GALNT13: variants seen among roughly 807,000 people sequenced by gnomAD.
The protein encoded by GALNT13 is polypeptide N-acetylgalactosaminyltransferase 13, also known as UDP-GalNAc:polypeptide N-acetylgalactosaminyltransferase 13.
GALNT13 carries 28 observed loss-of-function variants against 64.2 expected under a neutral mutation model. The observed-to-expected ratio is 0.44, with a 90% CI of 0.32 to 0.60. The LOEUF is 0.60. Among genes scored for constraint, GALNT13 ranks in the 20% least tolerant of loss-of-function variants. GALNT13 has a pLI of 0.05. For missense variants in GALNT13, 577 were observed against 669.8 expected (o/e 0.86, Z 1.53); for synonymous variants, 214 against 224.6 (o/e 0.95, Z 0.42).
the GALNT13 span, among the ~76,000 whole-genome samples, chr2:153,137,392 A>G: frequency 1.3e-5 from 2 of 152,106 alleles, no homozygotes; most frequent in Non-Finnish European, 2.9e-5. Flanking sequence ...CTTTGAGCTT[A>G]AGGATCTATC....
chr2:153,279,726 G>T, the GALNT13 span, among the ~76,000 whole-genome samples: 1 of 151,996 alleles, frequency 6.6e-6, no homozygotes, highest in Non-Finnish European at 1.5e-5. Flanking sequence ...CTCCTGATCA[G>T]TTTATTTCTT....
At chr2:153,812,821 C>A in the GALNT13 span, among the ~76,000 whole-genome samples, 13 of 152,244 alleles carry the variant, frequency 8.5e-5, no homozygotes, top group African/African-American at 3.1e-4. Context: ...CCTATGCGCA[C>A]AAAGTGTTTT....
chr2:153,396,522 G>A, the GALNT13 span, among the ~76,000 whole-genome samples: 1 of 151,818 alleles, frequency 6.6e-6, no homozygotes. Flanking sequence ...ATAAACATAT[G>A]TTACAGTGTG....
the GALNT13 span, among the ~76,000 whole-genome samples, chr2:153,096,540 G>T: frequency 5.3e-5 from 8 of 152,004 alleles, no homozygotes; most frequent in African/African-American, 1.7e-4. Context: ...TATATATCTG[G>T]CTTCTCCAGT....
chr2:153,625,340 G>A, the GALNT13 span, among the ~76,000 whole-genome samples: 3 of 152,044 alleles, frequency 2.0e-5, no homozygotes, highest in African/African-American at 7.2e-5. Context: ...GATTGCATAT[G>A]GTACTGACTA....
At chr2:153,657,433 G>A in the GALNT13 span, among the ~76,000 whole-genome samples, 1 of 152,062 alleles carries the variant, frequency 6.6e-6, no homozygotes, top group African/African-American at 2.4e-5. Context: ...TAGCATTTAT[G>A]TGCCTTACCC....
chr2:154,415,054 A>G (rs1341731593), intron 11 of GALNT13, among the ~76,000 whole-genome samples: 2 of 151,568 alleles, frequency 1.3e-5, no homozygotes, highest in African/African-American at 2.4e-5. Context: ...AGTACCATCT[A>G]TTCAGAAGGC....
intron 9 of GALNT13, among the ~76,000 whole-genome samples, chr2:154,329,146 C>T (rs911186648): frequency 3.9e-5 from 6 of 152,110 alleles, no homozygotes; most frequent in African/African-American, 1.4e-4. Context: ...AGCTCTGTCA[C>T]CCAGGCTAGA....
intron 4 of GALNT13, among the ~76,000 whole-genome samples, chr2:154,147,929 T>G (rs929239298): frequency 2.2e-4 from 33 of 152,004 alleles, no homozygotes; most frequent in Admixed American, 3.9e-4. Context: ...ATTTTTATTA[T>G]TATTATACTT....
intron 3 of GALNT13, among the ~76,000 whole-genome samples, chr2:154,012,706 T>C (rs980655726): frequency 7.9e-5 from 12 of 152,248 alleles, no homozygotes; most frequent in African/African-American, 2.9e-4. Flanking sequence ...TGTCAGTGTG[T>C]TATAGATTTG....
the GALNT13 span, among the ~76,000 whole-genome samples, chr2:153,263,413 A>G: frequency 6.6e-6 from 1 of 151,986 alleles, no homozygotes; most frequent in Non-Finnish European, 1.5e-5. Flanking sequence ...TTAAACTACC[A>G]TTGACATTCT....
At chr2:153,630,816 T>TATTTATTTA in the GALNT13 span, among the ~76,000 whole-genome samples, 2 of 87,252 alleles carry the variant, frequency 2.3e-5, no homozygotes, top group African/African-American at 8.3e-5. Context: ...TATTTTTTTT[T>TATTTATTTA]TTTTTTTTAT....
At chr2:153,630,118 T>G in the GALNT13 span, among the ~76,000 whole-genome samples, 1 of 150,754 alleles carries the variant, frequency 6.6e-6, no homozygotes, top group Non-Finnish European at 1.5e-5. Flanking sequence ...GAACTAGAAA[T>G]ACCATTTGAC....
chr2:153,715,699 C>A, the GALNT13 span, among the ~76,000 whole-genome samples: 3 of 152,204 alleles, frequency 2.0e-5, no homozygotes, highest in African/African-American at 7.2e-5. Context: ...CTCTGCTTCC[C>A]ATTTAGGCTC....
intron 3 of GALNT13, among the ~76,000 whole-genome samples, chr2:154,097,911 C>A (rs2105455219): frequency 6.6e-6 from 1 of 151,966 alleles, no homozygotes; most frequent in Admixed American, 6.6e-5. Flanking sequence ...GGAAGGTAAC[C>A]TAAGGATAAC....
At chr2:153,604,528 T>G in the GALNT13 span, among the ~76,000 whole-genome samples, 1 of 152,018 alleles carries the variant, frequency 6.6e-6, no homozygotes. Context: ...AAACAAAACT[T>G]GCTTCCTGAG....
the GALNT13 span, among the ~76,000 whole-genome samples, chr2:153,724,165 T>G: frequency 1.6e-4 from 23 of 142,030 alleles, no homozygotes; most frequent in Non-Finnish European, 3.0e-4. Flanking sequence ...CCTACAACTA[T>G]CTGATCTTTG....
chr2:153,422,914 T>C, the GALNT13 span, among the ~76,000 whole-genome samples: 3 of 151,952 alleles, frequency 2.0e-5, no homozygotes, highest in Non-Finnish European at 4.4e-5. Context: ...ATTTTAAATA[T>C]ATTTACAAGA....
chr2:153,699,590 G>A, the GALNT13 span, among the ~76,000 whole-genome samples: 6 of 151,890 alleles, frequency 4.0e-5, no homozygotes, highest in South Asian at 2.1e-4. Flanking sequence ...TAGACGGACC[G>A]CAAGCTAGAC....
Sources: gnomAD v4.1 joint callset for allele counts (sites outside exome capture counted in the v4.1 genomes callset) on GRCh38, gnomAD v4.1.1 for gene constraint, MANE v1.5 for transcripts, NCBI Gene and HGNC (gene_info 2026-07-23, HGNC 2026-07-21) for gene names.